Variants in PCDH11X observed in about 807,000 individuals in gnomAD.
PCDH11X encodes protocadherin 11 X-linked, also known as protocadherin-11 X-linked.
A neutral mutation model predicts 53.3 loss-of-function variants in PCDH11X; 18 were observed. The ratio of observed to expected loss-of-function variants is 0.34; its 90% CI spans 0.23 to 0.50. PCDH11X has a LOEUF of 0.50. Among genes scored for constraint, PCDH11X ranks in the 20% least tolerant of loss-of-function variants. The pLI, the probability that PCDH11X is intolerant of heterozygous loss-of-function variation, is 0.98. For synonymous variants in PCDH11X, 279 were observed against 393.3 expected (o/e 0.71, Z 3.44); for missense variants, 570 against 1,032.4 (o/e 0.55, Z 6.14).
chrX:91,921,403 TTATAG>T (rs1002280364), intron 6 of PCDH11X, among the ~76,000 whole-genome samples: 1 of 109,831 alleles, frequency 9.1e-6, no homozygotes, highest in African/African-American at 3.3e-5. Context: ...GTATCAACAA[TTATAG>T]TATCTATAGA....
At chrX:92,327,382 A>G (rs1432070418) in intron 8 of PCDH11X, among the ~76,000 whole-genome samples, 2 of 94,501 alleles carry the variant, frequency 2.1e-5, no homozygotes, top group African/African-American at 8.1e-5. Context: ...CTTATTTTTC[A>G]TGTGCACTTG....
chrX:92,204,766 G>A (rs972816380), intron 7 of PCDH11X, among the ~76,000 whole-genome samples: 2 of 111,785 alleles, frequency 1.8e-5, no homozygotes, highest in African/African-American at 6.5e-5. Context: ...AGAAATACCC[G>A]AGACTGGGTA....
At chrX:91,880,212 A>C (rs189941244) in intron 6 of PCDH11X, among the ~76,000 whole-genome samples, 2,371 of 111,138 alleles carry the variant, frequency 0.021, 74 homozygotes, top group African/African-American at 0.076. Context: ...GAATGATTTA[A>C]ATATAATTGT....
chrX:91,803,707 C>T (rs1936008510), intron 1 of PCDH11X, among the ~76,000 whole-genome samples: 1 of 111,301 alleles, frequency 9.0e-6, no homozygotes, highest in South Asian at 3.7e-4. Context: ...GCACTTAGCA[C>T]AGTTCTTGGC....
intron 6 of PCDH11X, among the ~76,000 whole-genome samples, chrX:92,105,481 A>G (rs2064359777): frequency 1.8e-5 from 2 of 110,470 alleles, no homozygotes; most frequent in Non-Finnish European, 1.9e-5. Context: ...GCTTTGTGTG[A>G]GCAACATGGC....
intron 5 of PCDH11X, among the ~76,000 whole-genome samples, chrX:91,840,494 T>C (rs1442404268): frequency 9.0e-6 from 1 of 111,698 alleles, no homozygotes; most frequent in Non-Finnish European, 1.9e-5. Flanking sequence ...ATAGTCAAGA[T>C]GTTTGGGCCC....
At chrX:92,190,450 G>A (rs933266021) in intron 6 of PCDH11X, among the ~76,000 whole-genome samples, 18 of 111,432 alleles carry the variant, frequency 1.6e-4, no homozygotes, top group Non-Finnish European at 3.2e-4. Flanking sequence ...TGAAGTAAAC[G>A]GTTAAGAAAT....
intron 6 of PCDH11X, among the ~76,000 whole-genome samples, chrX:91,903,033 A>G (rs958712609): frequency 3.4e-4 from 38 of 111,641 alleles, no homozygotes; most frequent in African/African-American, 1.2e-3. Context: ...CATTTCACTT[A>G]TGGGGAAAAT....
chrX:92,196,429 C>T lies in PCDH11X; in HGVS notation c.3034-4946C>T, dbSNP rs181868575. ...TTGAATTTGAAGTTTCAACTAAATT[C>T]ACACAAAAACTTGTATTTACCTGAG... On this transcript the variant is annotated intron_variant, in intron 6 of 10. Transcript: ENST00000682573. Among the ~76,000 whole-genome samples, 103 of 111,411 alleles carry T rather than the reference C, an allele frequency of 9.2e-4. 1 individual carries two copies. Among genetic ancestry groups the T allele is most frequent in the Non-Finnish European group, 1.2e-3 (66 of 53,002 alleles).
rs570711352 is a variant in PCDH11X at position 92,161,361 on chromosome X, T to C, written c.3034-40014T>C. 1.2e-4 allele frequency among the ~76,000 whole-genome samples: 13 copies of C among 111,804 alleles called. No individual in the cohort carries two copies. The South Asian group carries it at 4.8e-3, about 41-fold the overall frequency. On this transcript the variant is annotated intron_variant, in intron 6 of 10. Coordinates refer to ENST00000682573, the MANE Select transcript of PCDH11X (RefSeq NM_032968.5). ...GATAGGGCCCCAATCCCTTCTAGCT[T>C]GGAGGGTTTCTGCTGACAAATCGGC...
chrX:92,222,201 T>G (rs1364027919), intron 7 of PCDH11X, among the ~76,000 whole-genome samples: 1 of 111,142 alleles, frequency 9.0e-6, no homozygotes, highest in Non-Finnish European at 1.9e-5. Flanking sequence ...GATGTGAAAG[T>G]ATTTTGTATC....
At chrX:92,476,827 G>A (rs2750784) in intron 10 of PCDH11X, among the ~76,000 whole-genome samples, 2,746 of 32,678 alleles carry the variant, frequency 0.084, 492 homozygotes, top group African/African-American at 0.31. Flanking sequence ...GTTCTTGCAG[G>A]CTTGTATAGG....
rs147427937 is a variant in PCDH11X, at chrX:92,422,610, A to G, written c.3343+34677A>G. On this transcript the variant is annotated intron_variant, in intron 9 of 10. Coordinates refer to ENST00000682573, the MANE Select transcript of PCDH11X (RefSeq NM_032968.5). Reference sequence around the variant, plus strand: ...TTTTGAAATCGCAAATTGTGCTGCTATGAACATGCGTGTGCAAGTATTTTT... The same window carrying G: ...TTTTGAAATCGCAAATTGTGCTGCTGTGAACATGCGTGTGCAAGTATTTTT... Among the ~76,000 whole-genome samples, 197 of 111,646 alleles carry G rather than the reference A, an allele frequency of 1.8e-3. 2 individuals carry two copies. Among genetic ancestry groups the G allele is most frequent in the African/African-American group, 5.9e-3 (183 of 30,775 alleles).
intron 10 of PCDH11X, among the ~76,000 whole-genome samples, chrX:92,547,269 G>T (rs1383579089): frequency 9.7e-6 from 1 of 103,262 alleles, no homozygotes; most frequent in Non-Finnish European, 2.0e-5. Flanking sequence ...AAGATTCTTG[G>T]ATAAACTATT....
At chrX:92,555,190 A>G (rs1314388275) in intron 10 of PCDH11X, among the ~76,000 whole-genome samples, 1 of 111,221 alleles carries the variant, frequency 9.0e-6, no homozygotes, top group Non-Finnish European at 1.9e-5. Flanking sequence ...ATTAAAGAAA[A>G]TAAAATTAAG....
At chrX:92,042,938 C>T (rs913521329) in intron 6 of PCDH11X, among the ~76,000 whole-genome samples, 5 of 109,984 alleles carry the variant, frequency 4.5e-5, no homozygotes, top group Non-Finnish European at 9.5e-5. Context: ...CGCGCCCGGC[C>T]GTTGATCATT....
chrX:92,315,188 A>C (rs1239297336), intron 8 of PCDH11X, among the ~76,000 whole-genome samples: 1 of 111,918 alleles, frequency 8.9e-6, no homozygotes, highest in Non-Finnish European at 1.9e-5. Flanking sequence ...TCATAGACGC[A>C]CTGTAATATT....
In PCDH11X at chrX:91,878,643, T is replaced by C. The variant is rs767635756; in HGVS notation, c.2403T>C (p.Ala801=). The change falls in exon 6 of 11, where the codon GCT becomes GCC. Residue 801 remains alanine, a synonymous_variant. Coordinates refer to ENST00000682573, the MANE Select transcript of PCDH11X (RefSeq NM_032968.5). ...EAPVTPNTEI[A]DVSSPTSDYV... is the part of the protein sequence containing the mutation. ...CAGTGACCCCAAATACTGAGATAGC[T>C]GATGTATCCTCACCAACTAGTGACT... 2.5e-6 allele frequency: 3 copies of C among 1,208,532 alleles called. No individual in the cohort carries two copies. The African/African-American group carries it at 5.3e-5, about 21-fold the overall frequency.
At chrX:92,409,632 A>T (rs1366054905) in intron 9 of PCDH11X, among the ~76,000 whole-genome samples, 1 of 112,196 alleles carries the variant, frequency 8.9e-6, no homozygotes, top group Non-Finnish European at 1.9e-5. Flanking sequence ...CTAGGTCTGG[A>T]TTACACACAA....
Sources: allele counts gnomAD v4.1 joint callset (sites outside exome capture counted in the v4.1 genomes callset), GRCh38; gene constraint gnomAD v4.1.1; transcripts MANE v1.5; gene names NCBI Gene and HGNC (gene_info 2026-07-23, HGNC 2026-07-21).